Variants in TRAPPC11 observed in about 807,000 individuals in gnomAD.
TRAPPC11 encodes the protein foie gras homolog.
Under a neutral mutation model 151.2 loss-of-function variants are expected in TRAPPC11, and 104 were observed. The observed-to-expected ratio is 0.69, with a 90% confidence interval of 0.59 to 0.81. The LOEUF (loss-of-function observed/expected upper bound fraction) is 0.81, where lower values mean the gene tolerates loss of function less well. Ranked by LOEUF, TRAPPC11 falls within the 30% of genes least tolerant of loss-of-function variation. TRAPPC11 has a pLI of 0.00. For missense variants in TRAPPC11, 1,230 were observed against 1,349.6 expected (o/e 0.91, Z 1.39); for synonymous variants, 456 against 472.3 (o/e 0.97, Z 0.45).
chr4:183,674,687 T>G, intron 5 of TRAPPC11, 26 bp from the exon 6 acceptor site: 1 of 1,344,256 alleles, frequency 7.4e-7, no homozygotes. Context: ...AATATGTAAA[T>G]GCTTGTTTGT....
intron 1 of TRAPPC11, among the ~76,000 whole-genome samples, chr4:183,660,817 C>A (rs6858713): frequency 0.83 from 126,664 of 151,704 alleles, 53,558 homozygotes; most frequent in East Asian, 0.96. Context: ...GGGTTCAAGC[C>A]ATTCTCCTGC....
Position 183,692,975 on chromosome 4 carries a change from C to G in TRAPPC11, c.2065C>G (p.Leu689Val). The change falls in exon 20 of 30, where the codon CTT (leucine) becomes GTT (valine). Residue 689 changes from leucine (L) to valine (V), a missense_variant. Physicochemically the swap from Leu to Val is conservative, Grantham distance 32. Coordinates refer to ENST00000334690, the MANE Select transcript of TRAPPC11 (RefSeq NM_021942.6). ...GKKIEITSVD[L>V]ALGNETGRCV... ...TTCTTTTTAGATTACTTCAGTGGAT[C>G]TTGCTCTGGGCAATGAGACGGGAAG... 1 of 1,609,908 alleles carries G rather than the reference C, an allele frequency of 6.2e-7. No homozygotes were observed. Among genetic ancestry groups the G allele is most frequent in the Non-Finnish European group, 8.5e-7 (1 of 1,178,004 alleles).
At chr4:183,696,108 G>A (rs1176523659) in intron 23 of TRAPPC11, among the ~76,000 whole-genome samples, 3 of 152,102 alleles carry the variant, frequency 2.0e-5, no homozygotes, top group Non-Finnish European at 4.4e-5. Flanking sequence ...TTTGGACTTG[G>A]AATGCTCAAC....
chr4:183,660,393 A>C (rs1734415216), intron 1 of TRAPPC11, among the ~76,000 whole-genome samples: 1 of 152,244 alleles, frequency 6.6e-6, no homozygotes, highest in Non-Finnish European at 1.5e-5. Context: ...AGTACAAAAA[A>C]AGGTAAAATA....
chr4:183,676,921 C>T (rs748213246), intron 7 of TRAPPC11, among the ~76,000 whole-genome samples: 3 of 152,156 alleles, frequency 2.0e-5, no homozygotes, highest in Non-Finnish European at 2.9e-5. Context: ...TGTGCTACCA[C>T]ACCCGGCTAA....
chr4:183,702,773 A>G (rs1448679803), intron 26 of TRAPPC11, among the ~76,000 whole-genome samples: 1 of 152,190 alleles, frequency 6.6e-6, no homozygotes, highest in Non-Finnish European at 1.5e-5. Flanking sequence ...CATGATATTC[A>G]TGTGTTATCC....
Position 183,677,492 on chromosome 4 carries a change from T to C in TRAPPC11, c.769T>C (p.Leu257=). The C allele has an allele frequency of 6.2e-7, 1 of 1,609,442 alleles. No individual in the cohort carries two copies. Among genetic ancestry groups the C allele is most frequent in the Non-Finnish European group, 8.5e-7 (1 of 1,176,072 alleles). The stretch of plus-strand genomic sequence containing the variant: ...GACCGCCTATAATCTTGTACACGAA[T>C]TGAGAGCCCATGAAACTAATATTCT... The part of the protein sequence containing the change: ...YRTAYNLVHE[L]RAHETNILEI... Residue 257 remains leucine (L), a synonymous_variant, in exon 8 of 30, where the codon TTG becomes CTG. Coordinates refer to ENST00000334690, the MANE Select transcript of TRAPPC11 (RefSeq NM_021942.6).
At chr4:183,706,067 AAC>A (rs35580682) in intron 27 of TRAPPC11, 305 of 145,644 alleles carry the variant, frequency 2.1e-3, no homozygotes, top group Middle Eastern at 3.5e-3. Flanking sequence ...GAACTGCCAG[AAC>A]ACACACACAC....
chr4:183,681,840 T>C (rs1278262124), intron 10 of TRAPPC11, among the ~76,000 whole-genome samples: 1 of 152,098 alleles, frequency 6.6e-6, no homozygotes, highest in East Asian at 1.9e-4. Context: ...AAACTGTGCA[T>C]ATCTTTTGAC....
In TRAPPC11 at chr4:183,685,111, C is replaced by T. The variant is rs772301029; in HGVS notation, c.1595C>T (p.Ser532Phe). Residue 532 changes from serine to phenylalanine, a missense_variant, in exon 16 of 30, where the codon TCT becomes TTT. Transcript: ENST00000334690. ...RASTLKDDQK[S>F]RIEKNLINVL... ...TCAACTCTGAAAGATGACCAGAAGT[C>T]TCGGATAGAAAAGAACCTCATAAAT... The T allele has an allele frequency of 3.7e-6, 6 of 1,613,824 alleles. No homozygotes were observed. The East Asian group carries it at 1.3e-4, about 36-fold the overall frequency.
At chr4:183,704,926 A>G (rs1298175178) in intron 26 of TRAPPC11, 53 bp from the exon 27 acceptor site, 6 of 1,182,182 alleles carry the variant, frequency 5.1e-6, no homozygotes, top group South Asian at 3.3e-5. Context: ...CTTCTTTCAT[A>G]GTTTAAAAAG....
At chr4:183,681,078 A>G (rs1288748844) in intron 10 of TRAPPC11, among the ~76,000 whole-genome samples, 2 of 152,012 alleles carry the variant, frequency 1.3e-5, no homozygotes, top group Admixed American at 6.5e-5. Flanking sequence ...TTTTTCTTGG[A>G]AGATTACATT....
chr4:183,664,938 A>T (rs1224846791), intron 2 of TRAPPC11, among the ~76,000 whole-genome samples: 1 of 152,060 alleles, frequency 6.6e-6, no homozygotes, highest in African/African-American at 2.4e-5. Context: ...TTCTGGGAAT[A>T]TAGGACTTGG....
chr4:183,704,488 C>T (rs1224804094), intron 26 of TRAPPC11, among the ~76,000 whole-genome samples: 11 of 144,712 alleles, frequency 7.6e-5, no homozygotes, highest in African/African-American at 2.6e-4. Context: ...ACCATTGCAG[C>T]CCAGCCTGGG....
chr4:183,665,929 C>CTTTTT (rs11462767), intron 2 of TRAPPC11, among the ~76,000 whole-genome samples: 2 of 137,888 alleles, frequency 1.5e-5, no homozygotes, highest in African/African-American at 2.7e-5. Context: ...AAATGGGCTA[C>CTTTTT]TTTTTTTTTT....
chr4:183,663,621 G>A lies in TRAPPC11; in HGVS notation c.-21-226G>A, dbSNP rs572976969. Among the ~76,000 whole-genome samples, 6 of 152,102 alleles carry A rather than the reference G, an allele frequency of 3.9e-5. No homozygotes were observed. In the East Asian group the frequency reaches 5.8e-4, roughly 15 times the overall value. On this transcript the variant is annotated intron_variant, in intron 1 of 29. Coordinates refer to ENST00000334690, the MANE Select transcript of TRAPPC11 (RefSeq NM_021942.6). ...TGGCCTCCAGTGATCCACCTGCTTC[G>A]GCCTCCCAAAGTGTTGGGATTGTAT...
Position 183,712,591 on chromosome 4 carries a change from A to G in TRAPPC11, c.3358-9A>G, listed in dbSNP as rs1282998033. 4.3e-6 allele frequency: 7 copies of G among 1,613,776 alleles called. No individual in the cohort carries two copies. Among genetic ancestry groups the G allele is most frequent in the Admixed American group, 1.7e-5 (1 of 59,964 alleles). On this transcript the variant is annotated splice_polypyrimidine_tract_variant and intron_variant, in intron 29 of 29. Transcript: ENST00000334690. ...TTTGTAAACCCACTTTGTTTTTCCCACTTTAAAGCCACAGGGTCGACTCAT... is the reference window on the plus strand; with the variant it reads ...TTTGTAAACCCACTTTGTTTTTCCCGCTTTAAAGCCACAGGGTCGACTCAT...
chr4:183,686,468 C>T lies in TRAPPC11; in HGVS notation c.1763-150C>T, dbSNP rs1222303658. Reference sequence around the variant, plus strand: ...TTATTTTTATAATAAAAAGTTAGCTCATTTGTCTCTTGAAGTGCCTTAAGT... The same window carrying T: ...TTATTTTTATAATAAAAAGTTAGCTTATTTGTCTCTTGAAGTGCCTTAAGT... On this transcript the variant is annotated intron_variant, in intron 17 of 29. Coordinates refer to ENST00000334690, the MANE Select transcript of TRAPPC11 (RefSeq NM_021942.6). 6.3e-6 allele frequency: 5 copies of T among 798,320 alleles called. No individual in the cohort carries two copies. In the South Asian group the frequency reaches 1.3e-4, roughly 20 times the overall value. 49.5% of individuals were successfully genotyped at this position (798,320 alleles called of 1,614,324 possible). A position where few individuals can be genotyped will look rare whatever the true frequency, so the allele number is the denominator to read the frequency against.
Position 183,704,249 on chromosome 4 carries a change from G to A in TRAPPC11, c.2964-730G>A, listed in dbSNP as rs544523638. ...AATAATGTTTTGGGAGGCCTGGTGC[G>A]GTGGCTCACGCCTGTAATCCCAGCA... On this transcript the variant is annotated intron_variant, in intron 26 of 29. Coordinates refer to ENST00000334690, the MANE Select transcript of TRAPPC11 (RefSeq NM_021942.6). Among the ~76,000 whole-genome samples the A allele has an allele frequency of 1.1e-4, 17 of 152,254 alleles. No homozygotes were observed. In the East Asian group the frequency reaches 2.7e-3, roughly 24 times the overall value.
Sources: gnomAD v4.1 joint callset for allele counts (sites outside exome capture counted in the v4.1 genomes callset) on GRCh38, gnomAD v4.1.1 for gene constraint, MANE v1.5 for transcripts, NCBI Gene and HGNC (gene_info 2026-07-23, HGNC 2026-07-21) for gene names.